KCNMA1: variants seen among roughly 807,000 people sequenced by gnomAD.
KCNMA1 encodes Calcium-activated potassium channel subunit alpha-1.
Under a neutral mutation model 140.0 loss-of-function variants are expected in KCNMA1, and 29 were observed. The observed-to-expected ratio is 0.21, with a 90% confidence interval of 0.15 to 0.28. KCNMA1 has a LOEUF of 0.28. Among genes scored for constraint, KCNMA1 ranks in the 10% least tolerant of loss-of-function variants. The pLI is 1.00. For missense variants in KCNMA1, 880 were observed against 1,602.2 expected (o/e 0.55, Z 7.70); for synonymous variants, 612 against 611.9 (o/e 1.00, Z 0.00).
At chr10:77,223,651 G>T (rs554304983) in intron 3 of KCNMA1, among the ~76,000 whole-genome samples, 2 of 152,272 alleles carry the variant, frequency 1.3e-5, no homozygotes, top group East Asian at 1.9e-4. Context: ...TGAGTGTTTT[G>T]CCCTCTCTGA....
At chr10:77,560,527 T>C (rs768042703) in intron 1 of KCNMA1, among the ~76,000 whole-genome samples, 1 of 152,118 alleles carries the variant, frequency 6.6e-6, no homozygotes. Flanking sequence ...CCAGGTGAGG[T>C]GGTTCTCAGT....
intron 1 of KCNMA1, among the ~76,000 whole-genome samples, chr10:77,618,854 C>T (rs1259164967): frequency 6.6e-6 from 1 of 152,180 alleles, no homozygotes; most frequent in African/African-American, 2.4e-5. Context: ...TAATCACTTA[C>T]CAGCACATCC....
intron 5 of KCNMA1, among the ~76,000 whole-genome samples, chr10:77,127,071 A>AACACAC (rs60249347): frequency 4.8e-5 from 7 of 146,486 alleles, no homozygotes; most frequent in South Asian, 2.2e-4. Context: ...CACACACACA[A>AACACAC]ACACACACAC....
At chr10:77,556,276 A>G (rs1230102829) in intron 1 of KCNMA1, among the ~76,000 whole-genome samples, 2 of 152,066 alleles carry the variant, frequency 1.3e-5, no homozygotes, top group Non-Finnish European at 2.9e-5. Flanking sequence ...AGGCCGAGGC[A>G]GGTGGATCAT....
At chr10:77,269,573 T>C (rs970825835) in intron 2 of KCNMA1, among the ~76,000 whole-genome samples, 1 of 152,170 alleles carries the variant, frequency 6.6e-6, no homozygotes, top group African/African-American at 2.4e-5. Flanking sequence ...AGACCAGGTA[T>C]CAGTATTTTT....
chr10:77,433,707 C>G (rs528825424), intron 1 of KCNMA1: 33 of 152,108 alleles, frequency 2.2e-4, no homozygotes, highest in African/African-American at 8.0e-4. Context: ...ATAACAAATG[C>G]GCCAACAATA....
rs139537126 is a variant in KCNMA1, at chr10:77,125,550, C to T, written c.809-4502G>A. ...ATCAGCGTGACTTTCCCTGGCTACCCGACCTAAACATGCAACTCCTCCCAC... is the reference window on the plus strand; with the variant it reads ...ATCAGCGTGACTTTCCCTGGCTACCTGACCTAAACATGCAACTCCTCCCAC... On this transcript the variant is annotated intron_variant, in intron 5 of 27. Coordinates refer to ENST00000286628, the MANE Select transcript of KCNMA1 (RefSeq NM_001161352.2). Among the ~76,000 whole-genome samples the T allele has an allele frequency of 4.8e-4, 73 of 152,292 alleles. No individual in the cohort carries two copies. The East Asian group carries it at 0.013, about 26-fold the overall frequency.
intron 1 of KCNMA1, among the ~76,000 whole-genome samples, chr10:77,477,780 A>T (rs893590553): frequency 2.0e-5 from 3 of 152,200 alleles, no homozygotes; most frequent in African/African-American, 7.2e-5. Context: ...CTTCTGTGTG[A>T]ATTGTTAATA....
chr10:77,516,378 C>T (rs943126905), intron 1 of KCNMA1, among the ~76,000 whole-genome samples: 129 of 152,292 alleles, frequency 8.5e-4, no homozygotes, highest in African/African-American at 3.0e-3. Flanking sequence ...TTCATTTGTG[C>T]TTGTGCACTT....
intron 15 of KCNMA1, among the ~76,000 whole-genome samples, chr10:77,035,654 C>T (rs573342189): frequency 2.6e-5 from 4 of 152,134 alleles, no homozygotes; most frequent in Non-Finnish European, 5.9e-5. Flanking sequence ...TCTGATTAAT[C>T]GGTGATTAAC....
At chr10:77,269,847 T>C (rs1389738054) in intron 2 of KCNMA1, among the ~76,000 whole-genome samples, 1 of 152,104 alleles carries the variant, frequency 6.6e-6, no homozygotes, top group Non-Finnish European at 1.5e-5. Context: ...CCATCTCCCC[T>C]ATACAAACCC....
At chr10:77,419,851 G>C (rs2096830012) in intron 1 of KCNMA1, among the ~76,000 whole-genome samples, 1 of 152,196 alleles carries the variant, frequency 6.6e-6, no homozygotes, top group Admixed American at 6.5e-5. Context: ...GAAAACTTCA[G>C]TGGAAGTCAT....
intron 9 of KCNMA1, among the ~76,000 whole-genome samples, chr10:77,104,117 TC>T (rs1214389109): frequency 6.6e-6 from 1 of 152,198 alleles, no homozygotes; most frequent in African/African-American, 2.4e-5. Flanking sequence ...CTTCACTCAT[TC>T]CAAATGGAGA....
intron 14 of KCNMA1, among the ~76,000 whole-genome samples, chr10:77,059,839 T>C (rs2095671556): frequency 6.6e-6 from 1 of 152,138 alleles, no homozygotes; most frequent in Admixed American, 6.5e-5. Flanking sequence ...CTATTCAATA[T>C]TCTGCAAGAA....
At chr10:77,517,976 G>A (rs574301240) in intron 1 of KCNMA1, among the ~76,000 whole-genome samples, 157 of 152,232 alleles carry the variant, frequency 1.0e-3, no homozygotes, top group South Asian at 2.3e-3. Flanking sequence ...AAGAGGGGCC[G>A]TTAATCAGGG....
intron 1 of KCNMA1, among the ~76,000 whole-genome samples, chr10:77,471,262 T>A (rs1476725096): frequency 8.0e-6 from 1 of 125,294 alleles, no homozygotes; most frequent in South Asian, 2.6e-4. Flanking sequence ...ACAACGCACA[T>A]ACAACACACA....
At chr10:77,320,668 A>G (rs543216432) in intron 2 of KCNMA1, among the ~76,000 whole-genome samples, 3 of 152,308 alleles carry the variant, frequency 2.0e-5, no homozygotes, top group Non-Finnish European at 1.5e-5. Context: ...ACCTGCCAGC[A>G]CCACCACACT....
chr10:77,543,624 T>A (rs1291152029), intron 1 of KCNMA1, among the ~76,000 whole-genome samples: 1 of 152,120 alleles, frequency 6.6e-6, no homozygotes, highest in East Asian at 1.9e-4. Context: ...TTCAGAAAAG[T>A]TAGCAGGTCA....
At chr10:76,921,005 G>A (rs543501250) in intron 23 of KCNMA1, among the ~76,000 whole-genome samples, 1 of 152,110 alleles carries the variant, frequency 6.6e-6, no homozygotes, top group South Asian at 2.1e-4. Context: ...ATCTTCCCTA[G>A]TTAAATCCCT....
Sources: gnomAD v4.1 joint callset for allele counts (sites outside exome capture counted in the v4.1 genomes callset) on GRCh38, gnomAD v4.1.1 for gene constraint, MANE v1.5 for transcripts, NCBI Gene and HGNC (gene_info 2026-07-23, HGNC 2026-07-21) for gene names.